BICD1: variants seen among roughly 807,000 people sequenced by gnomAD.
BICD1 encodes the protein protein bicaudal D homolog 1.
A neutral mutation model predicts 92.5 loss-of-function variants in BICD1; 35 were observed. The observed-to-expected ratio is 0.38, with a 90% confidence interval of 0.29 to 0.50. The LOEUF is 0.50. BICD1 is among the 20% of genes least tolerant of loss of function. The probability of loss-of-function intolerance (pLI) is 0.93; values close to 1 mark genes in which losing one functional copy is unlikely to be tolerated. For synonymous variants in BICD1, 429 were observed against 465.1 expected (o/e 0.92, Z 1.00); for missense variants, 950 against 1,189.8 (o/e 0.80, Z 2.97).
chr12:32,184,585 A>G (rs1166602610), intron 1 of BICD1, among the ~76,000 whole-genome samples: 1 of 152,134 alleles, frequency 6.6e-6, no homozygotes. Context: ...GCGCCCGGCC[A>G]AAATAATTGT....
chr12:32,262,228 T>G (rs1057276218), intron 2 of BICD1, among the ~76,000 whole-genome samples: 1 of 152,184 alleles, frequency 6.6e-6, no homozygotes, highest in East Asian at 1.9e-4. Flanking sequence ...TAATTCTGTC[T>G]CTTTTTTTGG....
At chr12:32,197,740 G>A (rs1179839070) in intron 1 of BICD1, among the ~76,000 whole-genome samples, 1 of 152,118 alleles carries the variant, frequency 6.6e-6, no homozygotes, top group Non-Finnish European at 1.5e-5. Flanking sequence ...ATATGATACA[G>A]ATCAGCAATA....
At chr12:32,273,862 T>C (rs1947206493) in intron 2 of BICD1, among the ~76,000 whole-genome samples, 1 of 152,200 alleles carries the variant, frequency 6.6e-6, no homozygotes, top group South Asian at 2.1e-4. Flanking sequence ...GAGGGAGTCT[T>C]GCCAACAGGC....
rs117601617 is a variant in BICD1, at chr12:32,338,195, T to A, written c.2570+379T>A. The A allele has an allele frequency of 1.8e-3, 347 of 198,176 alleles. 6 individuals are homozygous for A. In the East Asian group the frequency reaches 0.033, roughly 19 times the overall value. 12.3% of individuals were successfully genotyped at this position (198,176 alleles called of 1,614,324 possible). A position where few individuals can be genotyped will look rare whatever the true frequency, so the allele number is the denominator to read the frequency against. ...TCTACCTGGGTTATAATTTTAAAAG[T>A]CATTGTACCTTTGGAAATGGTGCTG... On this transcript the variant is annotated intron_variant, in intron 7 of 9. Coordinates refer to ENST00000652176, the MANE Select transcript of BICD1 (RefSeq NM_001714.4).
chr12:32,143,068 C>A (rs1422375349), intron 1 of BICD1, among the ~76,000 whole-genome samples: 1 of 152,166 alleles, frequency 6.6e-6, no homozygotes, highest in Non-Finnish European at 1.5e-5. Context: ...TTGTCTATCA[C>A]CTGTCATTCT....
Position 32,367,738 on chromosome 12 carries a change from A to G in BICD1, c.2833A>G (p.Thr945Ala). The G allele has an allele frequency of 6.2e-7, 1 of 1,613,852 alleles. No individual in the cohort carries two copies. Among genetic ancestry groups the G allele is most frequent in the Non-Finnish European group, 8.5e-7 (1 of 1,179,724 alleles). ...ACTAGCCGGGAGGCAAGACTGCCCA[A>G]CTGTCAGGTAAATTCAGATGTCCTT... The part of the protein sequence containing the change: ...SQLAGRQDCP[T>A]VSPDTALPEE... The change falls in exon 9 of 10, where the codon ACT becomes GCT. Residue 945 changes from threonine to alanine, a missense_variant. This residue lies in a region of BICD1 where 179 missense variants were observed against 186.7 expected (regional missense o/e 0.96). Transcript: ENST00000652176.
At position 32,110,825 on chromosome 12, in the gene BICD1, T is replaced by A. The variant is rs1486846396; in HGVS notation, c.213+3281T>A. Among the ~76,000 whole-genome samples, 18 of 108,184 alleles carry A rather than the reference T, an allele frequency of 1.7e-4. No homozygotes were observed. The Admixed American group carries it at 2.3e-3, about 14-fold the overall frequency. 71.0% of individuals were successfully genotyped at this position (108,184 alleles called of 152,430 possible). ...ACACAGGAAGGGGAACATCACACTC[T>A]GGGGACTGTTGTGGGGTGGGGGGAG... On this transcript the variant is annotated intron_variant, in intron 1 of 9. Transcript: ENST00000652176.
intron 2 of BICD1, among the ~76,000 whole-genome samples, chr12:32,225,641 T>TTTTTTTTTTTTTTTTTTTTA (rs1945664708): frequency 7.5e-6 from 1 of 134,216 alleles, no homozygotes; most frequent in African/African-American, 2.9e-5. Flanking sequence ...TTTTTTTTTT[T>TTTTTTTTTTTTTTTTTTTTA]AGACGGAGTT....
chr12:32,207,126 C>T (rs530745406), intron 1 of BICD1, among the ~76,000 whole-genome samples: 1 of 152,242 alleles, frequency 6.6e-6, no homozygotes, highest in South Asian at 2.1e-4. Context: ...GCCTTTGAGG[C>T]TAGTGGGTCT....
chr12:32,204,715 T>C (rs1463601435), intron 1 of BICD1, among the ~76,000 whole-genome samples: 12 of 152,166 alleles, frequency 7.9e-5, no homozygotes, highest in Admixed American at 7.9e-4. Flanking sequence ...CACCTGGCCC[T>C]TACCCCAGAC....
chr12:32,274,837 T>G (rs1311498463), intron 2 of BICD1, among the ~76,000 whole-genome samples: 1 of 152,196 alleles, frequency 6.6e-6, no homozygotes, highest in Non-Finnish European at 1.5e-5. Flanking sequence ...TCTAAAACTT[T>G]TGGCAAATTA....
At chr12:32,201,605 G>T (rs1428141502) in intron 1 of BICD1, among the ~76,000 whole-genome samples, 1 of 152,064 alleles carries the variant, frequency 6.6e-6, no homozygotes, top group Non-Finnish European at 1.5e-5. Context: ...TGAGGACCCA[G>T]AATATAACTT....
intron 1 of BICD1, among the ~76,000 whole-genome samples, chr12:32,134,034 G>A (rs1288483122): frequency 6.6e-6 from 1 of 152,094 alleles, no homozygotes; most frequent in African/African-American, 2.4e-5. Flanking sequence ...ACCCACCTCG[G>A]CCTCCCAAAG....
intron 4 of BICD1, among the ~76,000 whole-genome samples, chr12:32,320,718 C>T (rs1430306497): frequency 6.6e-6 from 1 of 152,000 alleles, no homozygotes; most frequent in Non-Finnish European, 1.5e-5. Flanking sequence ...ATAGGAACAA[C>T]AATGACAATA....
chr12:32,342,262 CT>C (rs1301054113), intron 8 of BICD1, among the ~76,000 whole-genome samples: 4 of 75,164 alleles, frequency 5.3e-5, no homozygotes, highest in Non-Finnish European at 8.9e-5. Context: ...GTTTTTTTTT[CT>C]TTTTTTTTTG....
chr12:32,368,319 A>T (rs1939601669), intron 9 of BICD1, among the ~76,000 whole-genome samples: 1 of 152,026 alleles, frequency 6.6e-6, no homozygotes, highest in Non-Finnish European at 1.5e-5. Context: ...GAGCTATGAT[A>T]CCACTGCACA....
chr12:32,338,131 A>T (rs1294126824), intron 7 of BICD1: 1 of 259,580 alleles, frequency 3.9e-6, no homozygotes, highest in African/African-American at 2.2e-5. Context: ...CAACCTGAGA[A>T]TTGGTAGATA....
intron 4 of BICD1, among the ~76,000 whole-genome samples, chr12:32,315,487 G>A (rs1284795008): frequency 1.3e-5 from 2 of 151,786 alleles, no homozygotes; most frequent in Non-Finnish European, 2.9e-5. Flanking sequence ...TGACCATCTT[G>A]TCAATTTCTG....
intron 2 of BICD1, among the ~76,000 whole-genome samples, chr12:32,249,542 T>TA: frequency 6.6e-6 from 1 of 152,240 alleles, no homozygotes; most frequent in South Asian, 2.1e-4. Context: ...ATTATGGCTG[T>TA]AAGGGGAGGA....
Sources: allele counts gnomAD v4.1 joint callset (sites outside exome capture counted in the v4.1 genomes callset), GRCh38; gene constraint gnomAD v4.1.1; regional missense constraint gnomAD v4.1.1; transcripts MANE v1.5; gene names NCBI Gene and HGNC (gene_info 2026-07-23, HGNC 2026-07-21).